The following SCN2A variants were observed in gnomAD, a reference collection of about 807,000 sequenced individuals.
SCN2A encodes sodium channel protein type 2 subunit alpha.
Under a neutral mutation model 188.7 loss-of-function variants are expected in SCN2A, and 20 were observed. The observed-to-expected ratio is 0.11, with a 90% confidence interval of 0.07 to 0.15. The LOEUF (loss-of-function observed/expected upper bound fraction) is 0.15. Ranked by LOEUF, SCN2A falls within the 10% of genes least tolerant of loss-of-function variation. The pLI, the probability that SCN2A is intolerant of heterozygous loss-of-function variation, is 1.00. For missense variants in SCN2A, 1,278 were observed against 2,445.0 expected, an observed-to-expected ratio of 0.52 and a Z score of 10.07; for synonymous variants, 804 against 833.1, an observed-to-expected ratio of 0.97 and a Z score of 0.60.
Position 165,367,439 on chromosome 2 carries a change from C to T in SCN2A, c.3675+68C>T, listed in dbSNP as rs201049318. 102 of 1,494,456 alleles carry T rather than the reference C, an allele frequency of 6.8e-5. No individual in the cohort carries two copies. The East Asian group carries it at 2.3e-3, about 33-fold the overall frequency. The allele number at this position is 1,494,456 out of a possible 1,614,324, so 92.6% of individuals were successfully genotyped here. A position where few individuals can be genotyped will look rare whatever the true frequency, so the allele number is the denominator to read the frequency against. On this transcript the variant is annotated intron_variant, in intron 19 of 26. Transcript: ENST00000375437. The stretch of plus-strand genomic sequence containing the variant: ...CTTTTCCCTTTCCCTTCAATCAACT[C>T]ATATTACCCACTTTTAAATTAAGGT...
intron 3 of SCN2A, 52 bp from the exon 4 acceptor site, chr2:165,307,796 C>A: frequency 8.4e-7 from 1 of 1,189,622 alleles, no homozygotes; most frequent in Non-Finnish European, 1.3e-6. Context: ...CATGGTAGTG[C>A]ATAAAAGTAA....
intron 1 of SCN2A, among the ~76,000 whole-genome samples, chr2:165,265,209 A>G (rs1007545622): frequency 6.6e-6 from 1 of 151,536 alleles, no homozygotes. Context: ...TTTGATTTGC[A>G]TTTCTCTAAT....
Position 165,389,930 on chromosome 2 carries a change from GT to G in SCN2A, c.*111del, listed in dbSNP as rs1702065172. On this transcript the variant is annotated 3_prime_UTR_variant, in exon 27 of 27. Coordinates refer to ENST00000375437, the MANE Select transcript of SCN2A (RefSeq NM_001040142.2). The surrounding 1 kb of genome is among the most constrained non-coding windows in gnomAD (Gnocchi z 4.2). ...ACAGGAGGTCTATGCCAAACTGACTGTTTTTACAAATGTATACTTAAGGTCA... is the reference window on the plus strand; with the variant it reads ...ACAGGAGGTCTATGCCAAACTGACTGTTTTACAAATGTATACTTAAGGTCA... 6.0e-6 allele frequency: 9 copies of G among 1,511,392 alleles called. No homozygotes were observed. The highest frequency in any genetic ancestry group is 7.9e-6 in the Non-Finnish European group (9 of 1,137,808). 93.6% of individuals were successfully genotyped at this position (1,511,392 alleles called of 1,614,324 possible).
chr2:165,273,516 T>A (rs1413098062), intron 1 of SCN2A: 4 of 152,192 alleles, frequency 2.6e-5, no homozygotes, highest in Non-Finnish European at 5.9e-5. Context: ...CTTAGTCATA[T>A]CTTACAATTT....
chr2:165,273,082 C>G (rs1023965413), intron 1 of SCN2A: 3 of 152,046 alleles, frequency 2.0e-5, no homozygotes, highest in Non-Finnish European at 4.4e-5. Context: ...GGGAATAGAT[C>G]CTTTCAAAAT....
rs1701226552 is a variant in SCN2A at position 165,374,838 on chromosome 2, G to C, written c.4126G>C (p.Asp1376His). ...TAATTACACCACTGGAGAGATGTTT[G>C]ATGTAAGCGTGGTCAACAACTACAG... ...CINYTTGEMF[D>H]VSVVNNYSEC... is the part of the protein sequence containing the mutation. Residue 1376 changes from aspartate to histidine, a missense_variant, in exon 22 of 27, where the codon GAT (aspartate) becomes CAT (histidine). Coordinates refer to ENST00000375437, the MANE Select transcript of SCN2A (RefSeq NM_001040142.2). The C allele has an allele frequency of 6.2e-7, 1 of 1,613,486 alleles. No individual in the cohort carries two copies.
At chr2:165,291,538 T>G (rs1559340611) in intron 1 of SCN2A, among the ~76,000 whole-genome samples, 3 of 65,192 alleles carry the variant, frequency 4.6e-5, no homozygotes, top group African/African-American at 8.9e-5. Context: ...CCTTCCTTCC[T>G]TCCTTCCTTC....
Position 165,354,175 on chromosome 2 carries a change from T to C in SCN2A, c.2920-17T>C. ...AATAGAATGTTTTGATCACCTGTTT[T>C]TCCTGCTGTGTTTCAGGTTCTGAAC... On this transcript the variant is annotated splice_polypyrimidine_tract_variant and intron_variant, in intron 16 of 26. Transcript: ENST00000375437. 6.2e-7 allele frequency: 1 copy of C among 1,613,308 alleles called. No individual in the cohort carries two copies. The highest frequency in any genetic ancestry group is 8.5e-7 in the Non-Finnish European group (1 of 1,180,002).
rs2105354855 is a variant in SCN2A, at chr2:165,364,684, G to C, written c.3400-459G>C. Among the ~76,000 whole-genome samples the C allele has an allele frequency of 2.0e-5, 3 of 152,312 alleles. No homozygotes were observed. The Middle Eastern group carries it at 0.01, about 518-fold the overall frequency. ...AATGAAAAGTGGATAAATTTAGATG[G>C]TTGCTGTTTATGTGCATTTGATCAA... On this transcript the variant is annotated intron_variant, in intron 17 of 26. Coordinates refer to ENST00000375437, the MANE Select transcript of SCN2A (RefSeq NM_001040142.2).
intron 12 of SCN2A, among the ~76,000 whole-genome samples, chr2:165,326,032 A>G (rs1467185783): frequency 6.6e-6 from 1 of 152,158 alleles, no homozygotes; most frequent in Non-Finnish European, 1.5e-5. Context: ...TTTATTATTA[A>G]CACTCAGACC....
At chr2:165,274,166 C>G (rs1454469187) in intron 1 of SCN2A, 3 of 151,878 alleles carry the variant, frequency 2.0e-5, no homozygotes, top group Non-Finnish European at 4.4e-5. Context: ...TACTCCTTCT[C>G]AATTCATTCC....
At position 165,312,176 on chromosome 2, in the gene SCN2A, C is replaced by T. The variant is rs547425175; in HGVS notation, c.1034+88C>T. 3.2e-6 allele frequency: 3 copies of T among 938,852 alleles called. No homozygotes were observed. The African/African-American group carries it at 4.8e-5, about 15-fold the overall frequency. 58.2% of individuals were successfully genotyped at this position (938,852 alleles called of 1,614,324 possible). A position where few individuals can be genotyped will look rare whatever the true frequency, so the allele number is the denominator to read the frequency against. On this transcript the variant is annotated intron_variant, in intron 8 of 26. Transcript: ENST00000375437. Reference sequence around the variant, plus strand: ...CCTCCCACTCATCCAGTCCCACTCACTCCTCACTCAAAACCCTCCATAAAT... The same window carrying T: ...CCTCCCACTCATCCAGTCCCACTCATTCCTCACTCAAAACCCTCCATAAAT...
intron 25 of SCN2A, among the ~76,000 whole-genome samples, chr2:165,382,869 C>G (rs1179103619): frequency 6.6e-6 from 1 of 151,958 alleles, no homozygotes; most frequent in African/African-American, 2.4e-5. Context: ...GAGAAAAAAA[C>G]AAAATTCTCA....
rs117311547 is a variant in SCN2A, at chr2:165,285,633, G to A, written c.-51-10140G>A. 663 of 253,368 alleles carry A rather than the reference G, an allele frequency of 2.6e-3. 12 individuals are homozygous for A. The East Asian group carries it at 0.043, about 16-fold the overall frequency. The allele number at this position is 253,368 out of a possible 1,614,324, so 15.7% of individuals were successfully genotyped here. A position where few individuals can be genotyped will look rare whatever the true frequency, so the allele number is the denominator to read the frequency against. On this transcript the variant is annotated intron_variant, in intron 1 of 26. Coordinates refer to ENST00000375437, the MANE Select transcript of SCN2A (RefSeq NM_001040142.2). ...CTATAACCCTGTGGCTGCCGGACAA[G>A]GTCAAGAAACTGAAGTGGCTCCCTC...
intron 3 of SCN2A, among the ~76,000 whole-genome samples, chr2:165,307,218 A>T (rs1344538792): frequency 6.6e-6 from 1 of 152,144 alleles, no homozygotes; most frequent in African/African-American, 2.4e-5. Context: ...TCTTCATAGC[A>T]ATCCTGTTAC....
At chr2:165,281,285 G>C (rs556576458) in intron 1 of SCN2A, among the ~76,000 whole-genome samples, 3 of 152,256 alleles carry the variant, frequency 2.0e-5, no homozygotes, top group African/African-American at 4.8e-5. Flanking sequence ...TGTGGTTAGA[G>C]TGTGTGAAAG....
intron 3 of SCN2A, 106 bp downstream of exon 3, chr2:165,297,241 CTT>C (rs1389672892): frequency 1.4e-6 from 1 of 706,260 alleles, no homozygotes; most frequent in African/African-American, 1.8e-5. Flanking sequence ...TGTGTTCTTT[CTT>C]TTTCTTTCCT....
At chr2:165,276,521 C>T (rs570831730) in intron 1 of SCN2A, among the ~76,000 whole-genome samples, 6 of 152,318 alleles carry the variant, frequency 3.9e-5, no homozygotes, top group South Asian at 2.1e-4. Flanking sequence ...AAAACTTCTA[C>T]GCCATTGCTC....
intron 17 of SCN2A, among the ~76,000 whole-genome samples, chr2:165,364,062 A>G (rs1700598200): frequency 6.6e-6 from 1 of 152,204 alleles, no homozygotes; most frequent in South Asian, 2.1e-4. Flanking sequence ...TAACATTTAC[A>G]GTACTGACTA....
Sources: allele counts gnomAD v4.1 joint callset (sites outside exome capture counted in the v4.1 genomes callset), GRCh38; gene constraint gnomAD v4.1.1; non-coding constraint Gnocchi (gnomAD v3.1); transcripts MANE v1.5; gene names NCBI Gene and HGNC (gene_info 2026-07-23, HGNC 2026-07-21).